FRAS1: variants seen among roughly 807,000 people sequenced by gnomAD.
FRAS1 encodes the protein Fraser extracellular matrix complex subunit 1.
Under a neutral mutation model 435.2 loss-of-function variants are expected in FRAS1, and 290 were observed. The observed-to-expected ratio is 0.67, with a 90% CI of 0.61 to 0.73. FRAS1 has a LOEUF of 0.73. Among genes scored for constraint, FRAS1 ranks in the 30% least tolerant of loss-of-function variants. FRAS1 has a pLI of 0.00. For missense variants in FRAS1, 4,860 were observed against 5,001.5 expected (o/e 0.97, Z 0.85); for synonymous variants, 1,800 against 1,851.0 (o/e 0.97, Z 0.71).
chr4:78,295,788 A>G (rs1728119469), intron 14 of FRAS1, among the ~76,000 whole-genome samples: 2 of 150,334 alleles, frequency 1.3e-5, no homozygotes, highest in Admixed American at 6.6e-5. Flanking sequence ...TCTGTCACCC[A>G]GGCTGTAGTA....
chr4:78,151,105 G>A (rs894955110), intron 2 of FRAS1, among the ~76,000 whole-genome samples: 2 of 152,194 alleles, frequency 1.3e-5, no homozygotes, highest in Admixed American at 1.3e-4. Context: ...TAATGAGATA[G>A]TTGGTTTTAT....
At chr4:78,194,529 C>A (rs943107435) in intron 2 of FRAS1, among the ~76,000 whole-genome samples, 6 of 152,194 alleles carry the variant, frequency 3.9e-5, no homozygotes, top group Admixed American at 3.9e-4. Context: ...ATTTGATCTT[C>A]CATCACTGAT....
At chr4:78,133,172 TACTA>T (rs1338067239) in intron 2 of FRAS1, among the ~76,000 whole-genome samples, 5 of 152,108 alleles carry the variant, frequency 3.3e-5, no homozygotes, top group South Asian at 4.1e-4. Flanking sequence ...CAAAGTGGAG[TACTA>T]ACTATTTGGC....
chr4:78,206,279 T>C (rs1723252533), intron 2 of FRAS1, among the ~76,000 whole-genome samples: 4 of 152,010 alleles, frequency 2.6e-5, no homozygotes, highest in Admixed American at 2.6e-4. Flanking sequence ...ACGGGAATAA[T>C]GTGCCATGAA....
intron 31 of FRAS1, among the ~76,000 whole-genome samples, chr4:78,409,139 A>AAAAAGAAAAC (rs1412027803): frequency 6.7e-6 from 1 of 149,582 alleles, no homozygotes; most frequent in Non-Finnish European, 1.5e-5. Flanking sequence ...AAAAAAAGAC[A>AAAAAGAAAAC]AAAAGAAAAC....
intron 26 of FRAS1, among the ~76,000 whole-genome samples, chr4:78,376,385 C>T (rs529408698): frequency 2.2e-4 from 34 of 152,218 alleles, no homozygotes; most frequent in Middle Eastern, 3.4e-3. Flanking sequence ...GCAATCGTAA[C>T]ACAATAGTAA....
chr4:78,425,796 G>A (rs59956396), intron 35 of FRAS1, among the ~76,000 whole-genome samples: 23 of 152,204 alleles, frequency 1.5e-4, no homozygotes, highest in African/African-American at 5.5e-4. Flanking sequence ...TTTAAGGATG[G>A]ATATTATTTT....
In FRAS1 at chr4:78,196,094, G is replaced by A. The variant is rs190935606; in HGVS notation, c.109-41416G>A. On this transcript the variant is annotated intron_variant, in intron 2 of 73. Transcript: ENST00000512123. ...AAGATCTCGGCTCATTGCAAGCTCCGCCTCCCGGGTTCATGCCATTCTCCT... is the reference window on the plus strand; with the variant it reads ...AAGATCTCGGCTCATTGCAAGCTCCACCTCCCGGGTTCATGCCATTCTCCT... Among the ~76,000 whole-genome samples, 1,080 of 151,790 alleles carry A rather than the reference G, an allele frequency of 7.1e-3. 8 individuals are homozygous for A. The highest frequency in any genetic ancestry group is 0.027 in the Middle Eastern group (8 of 294).
At position 78,384,114 on chromosome 4, in the gene FRAS1, C is replaced by A; in HGVS notation, c.3619C>A (p.Leu1207Met). 5.0e-6 allele frequency: 8 copies of A among 1,604,606 alleles called. No homozygotes were observed. Among genetic ancestry groups the A allele is most frequent in the Non-Finnish European group, 6.8e-6 (8 of 1,177,272 alleles). The change falls in exon 28 of 74, where the codon CTG becomes ATG. Residue 1207 changes from leucine (L) to methionine (M), a missense_variant. Coordinates refer to ENST00000512123, the MANE Select transcript of FRAS1 (RefSeq NM_025074.7). ...CCAGCAGTTCTTCTCTGAGCCACAG[C>A]TGATCAACATACAAGCATTTTCAAC... ...SDQQFFSEPQ[L>M]INIQAFSTQA... is the part of the protein sequence containing the mutation.
At chr4:78,488,499 A>G (rs1032462774) in intron 58 of FRAS1, among the ~76,000 whole-genome samples, 2 of 152,200 alleles carry the variant, frequency 1.3e-5, no homozygotes, top group South Asian at 4.1e-4. Flanking sequence ...GAGGACAGTG[A>G]AGTCTTTTGA....
At chr4:78,510,693 T>C (rs1721008432) in intron 63 of FRAS1, among the ~76,000 whole-genome samples, 1 of 152,216 alleles carries the variant, frequency 6.6e-6, no homozygotes, top group African/African-American at 2.4e-5. Flanking sequence ...TTTGGGGACT[T>C]GGAGGAATCT....
At chr4:78,444,125 G>T (rs1251455971) in intron 41 of FRAS1, 1 of 452,894 alleles carries the variant, frequency 2.2e-6, no homozygotes, top group Non-Finnish European at 4.4e-6. Flanking sequence ...AAAGTGTTGG[G>T]ATTACAGGCA....
At chr4:78,423,153 ATTTC>A (rs1186324310) in intron 34 of FRAS1, among the ~76,000 whole-genome samples, 1 of 150,100 alleles carries the variant, frequency 6.7e-6, no homozygotes, top group Non-Finnish European at 1.5e-5. Context: ...ATTAGTGCCT[ATTTC>A]TTTCTTTTCT....
chr4:78,473,354 A>G (rs1265762903), intron 52 of FRAS1, 84 bp from the exon 53 acceptor site: 1 of 1,115,804 alleles, frequency 9.0e-7, no homozygotes, highest in African/African-American at 1.6e-5. Flanking sequence ...CATTAGAAGA[A>G]TAAACTAGGT....
intron 2 of FRAS1, among the ~76,000 whole-genome samples, chr4:78,117,797 A>G (rs1173505539): frequency 1.3e-5 from 2 of 152,198 alleles, no homozygotes; most frequent in East Asian, 3.8e-4. Flanking sequence ...AGCTCGGAGT[A>G]GTTTGATCGT....
At chr4:78,280,325 T>C (rs1578225297) in intron 10 of FRAS1, among the ~76,000 whole-genome samples, 1 of 152,096 alleles carries the variant, frequency 6.6e-6, no homozygotes, top group Admixed American at 6.6e-5. Flanking sequence ...AACTGGCGGG[T>C]GGCATCTACA....
chr4:78,384,157 C>G lies in FRAS1; in HGVS notation c.3648+14C>G, dbSNP rs757056682. On this transcript the variant is annotated intron_variant, in intron 28 of 73. Coordinates refer to ENST00000512123, the MANE Select transcript of FRAS1 (RefSeq NM_025074.7). ...TTTTCAACACAGGTAATAAAAATGG[C>G]CACGTAATTAATAATTTTACATGAC... 1.3e-6 allele frequency: 2 copies of G among 1,536,728 alleles called. No individual in the cohort carries two copies. Among genetic ancestry groups the G allele is most frequent in the South Asian group, 2.5e-5 (2 of 79,960 alleles).
intron 2 of FRAS1, among the ~76,000 whole-genome samples, chr4:78,085,525 T>G (rs967832123): frequency 1.3e-5 from 2 of 152,106 alleles, no homozygotes; most frequent in Non-Finnish European, 2.9e-5. Flanking sequence ...GCAGCAGTTT[T>G]GAATATCTGG....
intron 2 of FRAS1, among the ~76,000 whole-genome samples, chr4:78,180,452 A>G (rs1241127125): frequency 3.3e-5 from 5 of 152,242 alleles, no homozygotes; most frequent in African/African-American, 1.2e-4. Context: ...CAGTATGTCC[A>G]ATATTTAAAA....
Sources: gnomAD v4.1 joint callset for allele counts (sites outside exome capture counted in the v4.1 genomes callset) on GRCh38, gnomAD v4.1.1 for gene constraint, MANE v1.5 for transcripts, NCBI Gene and HGNC (gene_info 2026-07-23, HGNC 2026-07-21) for gene names.